Variants in BEND2 observed in about 807,000 individuals in gnomAD.
The protein encoded by BEND2 is BEN domain containing 2.
BEND2 carries 19 observed loss-of-function variants against 43.8 expected under a neutral mutation model. The ratio of observed to expected loss-of-function variants is 0.43; its 90% CI spans 0.30 to 0.64. The LOEUF (loss-of-function observed/expected upper bound fraction) is 0.64. BEND2 is among the 30% of genes least tolerant of loss of function. The pLI is 0.11. For missense variants in BEND2, 544 were observed against 574.0 expected, an observed-to-expected ratio of 0.95 and a Z score of 0.53; for synonymous variants, 226 against 210.1, an observed-to-expected ratio of 1.08 and a Z score of -0.66.
chrX:18,183,792 G>A (rs1826886999), intron 8 of BEND2, among the ~76,000 whole-genome samples: 1 of 111,995 alleles, frequency 8.9e-6, no homozygotes, highest in Non-Finnish European at 1.9e-5. Context: ...GTAGAAACGG[G>A]AGGGAAGAGT....
rs761196307 is a variant in BEND2, at chrX:18,177,780, A to G, written c.1430-11T>C. Reference sequence around the variant, plus strand: ...GATCACCAAGATAGCCTTTAAAAATAAAGAGAAAAAGGAACATCCTTGGTT... The same window carrying G: ...GATCACCAAGATAGCCTTTAAAAATGAAGAGAAAAAGGAACATCCTTGGTT... On this transcript the variant is annotated splice_polypyrimidine_tract_variant and intron_variant, in intron 9 of 13. Transcript: ENST00000380033. 2 of 1,185,169 alleles carry G rather than the reference A, an allele frequency of 1.7e-6. No individual in the cohort carries two copies. Among genetic ancestry groups the G allele is most frequent in the African/African-American group, 3.5e-5 (2 of 56,787 alleles).
At chrX:18,184,284 C>T (rs183151429) in intron 8 of BEND2, among the ~76,000 whole-genome samples, 103 of 111,469 alleles carry the variant, frequency 9.2e-4, no homozygotes, top group Middle Eastern at 4.6e-3. Context: ...GAGTTCGAGA[C>T]CAGCCTGGCC....
rs1315133173 is a variant in BEND2 at position 18,203,883 on chromosome X, C to T, written c.525G>A (p.Arg175=). The T allele has an allele frequency of 8.3e-7, 1 of 1,204,072 alleles. No homozygotes were observed. The highest frequency in any genetic ancestry group is 1.8e-5 in the African/African-American group (1 of 57,127). The change falls in exon 5 of 14, where the codon AGG becomes AGA. Residue 175 remains arginine (R), a synonymous_variant. Transcript: ENST00000380033. ...GGCTGGCCCAGGCATGGGTTTCCTG[C>T]CTTTCCGCTGGTGGTGATATGCTAG... The part of the protein sequence containing the change: ...VQSSISPPAE[R]QETHAWASPA...
chrX:18,178,560 C>T (rs1377162105), intron 9 of BEND2, among the ~76,000 whole-genome samples: 2 of 111,034 alleles, frequency 1.8e-5, no homozygotes, highest in African/African-American at 6.5e-5. Flanking sequence ...TAGTTTAAAT[C>T]CTGCTTTTTC....
At chrX:18,195,512 G>A in intron 6 of BEND2, 70 bp from the exon 7 acceptor site, 1 of 1,002,483 alleles carries the variant, frequency 1.0e-6, no homozygotes, top group African/African-American at 1.9e-5. Context: ...CTGGAAAAAA[G>A]GTAAAGACAT....
At chrX:18,211,201 T>C (rs1423452675) in intron 4 of BEND2, among the ~76,000 whole-genome samples, 1 of 111,818 alleles carries the variant, frequency 8.9e-6, no homozygotes, top group Non-Finnish European at 1.9e-5. Flanking sequence ...AGTAAACAAA[T>C]ACATTTTCTG....
intron 13 of BEND2, among the ~76,000 whole-genome samples, chrX:18,170,308 G>T (rs186527050): frequency 2.0e-3 from 221 of 111,945 alleles, no homozygotes; most frequent in African/African-American, 6.9e-3. Flanking sequence ...ATTATGGGTT[G>T]CAGTAAAAAA....
chrX:18,196,742 C>T (rs1212392819), intron 6 of BEND2, among the ~76,000 whole-genome samples: 1 of 102,416 alleles, frequency 9.8e-6, no homozygotes, highest in East Asian at 3.1e-4. Flanking sequence ...CTTTATATTA[C>T]ACTCTTAAAG....
intron 7 of BEND2, among the ~76,000 whole-genome samples, chrX:18,192,945 G>T: frequency 9.0e-6 from 1 of 111,327 alleles, no homozygotes. Flanking sequence ...TTGGAGGCCA[G>T]CCTGGCCAAC....
intron 2 of BEND2, among the ~76,000 whole-genome samples, chrX:18,214,923 A>C (rs1472117448): frequency 9.0e-6 from 1 of 110,547 alleles, no homozygotes; most frequent in African/African-American, 3.3e-5. Context: ...CATCAGCAAT[A>C]AATATTGTAA....
chrX:18,173,492 C>T (rs1924038894), intron 12 of BEND2, among the ~76,000 whole-genome samples: 2 of 111,923 alleles, frequency 1.8e-5, no homozygotes, highest in Admixed American at 9.5e-5. Flanking sequence ...TATCACTCAT[C>T]GGTATGGGTG....
At position 18,203,481 on chromosome X, in the gene BEND2, A is replaced by G. The variant is rs190949753; in HGVS notation, c.907+20T>C. 1 of 1,183,737 alleles carries G rather than the reference A, an allele frequency of 8.4e-7. No homozygotes were observed. Among genetic ancestry groups the G allele is most frequent in the Non-Finnish European group, 1.1e-6 (1 of 875,133 alleles). On this transcript the variant is annotated intron_variant, in intron 5 of 13. Transcript: ENST00000380033. ...TAGATTGAAGAATGCTATCTGTAATATGTGTCATTTCAAACTCACCCAAAT... is the reference window on the plus strand; with the variant it reads ...TAGATTGAAGAATGCTATCTGTAATGTGTGTCATTTCAAACTCACCCAAAT...
intron 13 of BEND2, among the ~76,000 whole-genome samples, chrX:18,168,508 G>T (rs1311366465): frequency 8.9e-6 from 1 of 111,930 alleles, no homozygotes; most frequent in Non-Finnish European, 1.9e-5. Flanking sequence ...AGCTGAGATA[G>T]GAGTTCCTGC....
intron 10 of BEND2, 73 bp from the exon 11 acceptor site, chrX:18,176,166 A>C: frequency 4.0e-6 from 4 of 999,875 alleles, no homozygotes; most frequent in Non-Finnish European, 5.4e-6. Context: ...TTTTTTCTTT[A>C]AACACTGACT....
Position 18,203,872 on chromosome X carries a change from T to C in BEND2, c.536A>G (p.His179Arg). 1 of 1,207,878 alleles carries C rather than the reference T, an allele frequency of 8.3e-7. No homozygotes were observed. Among genetic ancestry groups the C allele is most frequent in the Non-Finnish European group, 1.1e-6 (1 of 892,203 alleles). The change falls in exon 5 of 14, where the codon CAT becomes CGT. Residue 179 changes from histidine (H) to arginine (R), a missense_variant. Transcript: ENST00000380033. ...ISPPAERQETHAWASPAVTSL... is the reference protein window; with the variant it reads ...ISPPAERQETRAWASPAVTSL... The stretch of plus-strand genomic sequence containing the variant: ...TGTTACAGCAGGGCTGGCCCAGGCA[T>C]GGGTTTCCTGCCTTTCCGCTGGTGG...
Position 18,176,106 on chromosome X carries a change from G to A in BEND2, c.1631-13C>T. On this transcript the variant is annotated splice_polypyrimidine_tract_variant and intron_variant, in intron 10 of 13. Transcript: ENST00000380033. ...GTTGCCAGATATTCTGCAAACAGCA[G>A]AAAGTATTCACGAAAATTAGAAAAA... 1 of 1,170,148 alleles carries A rather than the reference G, an allele frequency of 8.5e-7. No individual in the cohort carries two copies. The highest frequency in any genetic ancestry group is 2.0e-5 in the South Asian group (1 of 50,165).
chrX:18,180,354 T>C (rs928124997), intron 9 of BEND2, among the ~76,000 whole-genome samples, 156 bp downstream of exon 9: 25 of 112,676 alleles, frequency 2.2e-4, no homozygotes, highest in African/African-American at 7.7e-4. Flanking sequence ...GCCTTGCACG[T>C]AATATGCACT....
Position 18,195,377 on chromosome X carries a change from T to C in BEND2, c.1099A>G (p.Thr367Ala). Residue 367 changes from threonine (T) to alanine (A), a missense_variant, in exon 7 of 14, where the codon ACA becomes GCA. Thr to Ala is a moderately conservative substitution (Grantham distance 58). Coordinates refer to ENST00000380033, the MANE Select transcript of BEND2 (RefSeq NM_153346.5). ...CCCGATAAAGCTGGGTAATACACTGTCTGAGAGTTATTTTCCACGTTGGTT... is the reference window on the plus strand; with the variant it reads ...CCCGATAAAGCTGGGTAATACACTGCCTGAGAGTTATTTTCCACGTTGGTT... ...TETNVENNSQTVYYPALSGNT... is the reference protein window; with the variant it reads ...TETNVENNSQAVYYPALSGNT... 1 of 1,209,904 alleles carries C rather than the reference T, an allele frequency of 8.3e-7. No homozygotes were observed. The highest frequency in any genetic ancestry group is 2.3e-4 in the Middle Eastern group (1 of 4,352).
intron 12 of BEND2, 132 bp from the exon 13 acceptor site, chrX:18,171,336 G>C (rs975530509): frequency 4.2e-6 from 3 of 709,189 alleles, no homozygotes; most frequent in Non-Finnish European, 6.1e-6. Context: ...AAAAATTTAA[G>C]GCCTTACATT....
Sources: gnomAD v4.1 joint callset for allele counts (sites outside exome capture counted in the v4.1 genomes callset) on GRCh38, gnomAD v4.1.1 for gene constraint, MANE v1.5 for transcripts, NCBI Gene and HGNC (gene_info 2026-07-23, HGNC 2026-07-21) for gene names.